Variants in SCAF11 observed in about 807,000 individuals in gnomAD.
SCAF11 encodes SR-related CTD associated factor 11.
SCAF11 carries 47 observed loss-of-function variants against 140.5 expected under a neutral mutation model. That is an observed-to-expected ratio of 0.33 (90% confidence interval 0.26 to 0.43). The LOEUF (loss-of-function observed/expected upper bound fraction) is 0.43. SCAF11 is among the 20% of genes least tolerant of loss of function. The pLI, the probability that SCAF11 is intolerant of heterozygous loss-of-function variation, is 1.00. For synonymous variants in SCAF11, 557 were observed against 579.4 expected (o/e 0.96, Z 0.55); for missense variants, 1,645 against 1,705.1 (o/e 0.96, Z 0.62).
intron 5 of SCAF11, among the ~76,000 whole-genome samples, chr12:45,945,533 A>G (rs1302441263): frequency 6.8e-6 from 1 of 146,102 alleles, no homozygotes; most frequent in Admixed American, 6.8e-5. Context: ...GTATTATCTC[A>G]GTCTTTTTTT....
intron 1 of SCAF11, among the ~76,000 whole-genome samples, chr12:45,983,584 G>A (rs1184797372): frequency 6.6e-6 from 1 of 152,048 alleles, no homozygotes; most frequent in Non-Finnish European, 1.5e-5. Flanking sequence ...TATGAACAGA[G>A]ACAGAGTTAG....
Position 45,951,709 on chromosome 12 carries a change from T to G in SCAF11, c.238A>C (p.Ile80Leu). The G allele has an allele frequency of 6.3e-7, 1 of 1,590,146 alleles. No individual in the cohort carries two copies. The highest frequency in any genetic ancestry group is 1.2e-5 in the South Asian group (1 of 86,636). ...ACTGCCTGAAAAGGTTTACGGTCAATAGGACATGAAGCCAGTGTCTGAAAA... is the reference window on the plus strand; with the variant it reads ...ACTGCCTGAAAAGGTTTACGGTCAAGAGGACATGAAGCCAGTGTCTGAAAA... The part of the protein sequence containing the change: ...KWAETLASCP[I>L]DRKPFQAVFK... Residue 80 changes from isoleucine (I) to leucine (L), a missense_variant, in exon 4 of 15, where the codon ATT becomes CTT. This residue lies in a region of SCAF11 where 1,582 missense variants were observed against 1,609.2 expected (regional missense o/e 0.98). Coordinates refer to ENST00000369367, the MANE Select transcript of SCAF11 (RefSeq NM_004719.3).
At chr12:45,979,611 A>T (rs553781488) in intron 1 of SCAF11, among the ~76,000 whole-genome samples, 23 of 152,290 alleles carry the variant, frequency 1.5e-4, no homozygotes, top group Admixed American at 4.6e-4. Context: ...GTTATTATAA[A>T]ACCAAGACAG....
chr12:45,965,184 A>AT (rs986843060), intron 1 of SCAF11, among the ~76,000 whole-genome samples: 31 of 152,312 alleles, frequency 2.0e-4, no homozygotes, highest in African/African-American at 6.7e-4. Flanking sequence ...ATATAAGTGA[A>AT]TTTTTTTAAA....
At chr12:45,922,352 G>A in intron 14 of SCAF11, 111 bp downstream of exon 14, 2 of 1,483,388 alleles carry the variant, frequency 1.3e-6, no homozygotes, top group Middle Eastern at 2.4e-4. Context: ...AAAGTAGACA[G>A]GAATTAGTAG....
rs565120786 is a variant in SCAF11, at chr12:45,937,859, C to T, written c.464-3354G>A. Among the ~76,000 whole-genome samples the T allele has an allele frequency of 6.6e-5, 10 of 152,270 alleles. No individual in the cohort carries two copies. In the East Asian group the frequency reaches 1.9e-3, roughly 29 times the overall value. ...AATACTCATTTTAGAGTGTAAATCT[C>T]CAGTCTTTCATTGGGTACTCCCCTT... On this transcript the variant is annotated intron_variant, in intron 6 of 14. Transcript: ENST00000369367.
chr12:45,961,094 A>G (rs913006201), intron 3 of SCAF11: 6 of 493,268 alleles, frequency 1.2e-5, no homozygotes, highest in Admixed American at 3.4e-5. Context: ...TATGACGGTA[A>G]TATCTCTAAT....
At chr12:45,991,327 G>A, upstream of SCAF11, among the ~76,000 whole-genome samples, 1 of 152,216 alleles carries the variant, frequency 6.6e-6, no homozygotes, top group East Asian at 1.9e-4. Context: ...CGCTTTGGGA[G>A]GCCGAGGCTG....
intron 1 of SCAF11, among the ~76,000 whole-genome samples, chr12:45,978,847 A>C (rs1175534358): frequency 6.6e-6 from 1 of 152,174 alleles, no homozygotes; most frequent in African/African-American, 2.4e-5. Context: ...AATAATAAAG[A>C]AAGCTCTCTT....
chr12:45,987,849 G>A (rs1946494940), intron 1 of SCAF11, among the ~76,000 whole-genome samples: 1 of 152,162 alleles, frequency 6.6e-6, no homozygotes, highest in South Asian at 2.1e-4. Flanking sequence ...GATCAGCAAA[G>A]GTCACAGTGA....
rs750855906 is a variant in SCAF11, at chr12:45,926,471, T to G, written c.3230A>C (p.Asn1077Thr). Residue 1077 changes from asparagine to threonine, a missense_variant, in exon 11 of 15, where the codon AAC (asparagine) becomes ACC (threonine). Transcript: ENST00000369367. ...WVSNRGRGRGNRGRGTYRSSF... is the reference protein window; with the variant it reads ...WVSNRGRGRGTRGRGTYRSSF... ...ACTTCTGTAAGTGCCTCTGCCACGGTTGCCTCTGCCTCTACCACGGTTAGA... is the reference window on the plus strand; with the variant it reads ...ACTTCTGTAAGTGCCTCTGCCACGGGTGCCTCTGCCTCTACCACGGTTAGA... 2 of 1,614,224 alleles carry G rather than the reference T, an allele frequency of 1.2e-6. No homozygotes were observed. Among genetic ancestry groups the G allele is most frequent in the Non-Finnish European group, 1.7e-6 (2 of 1,180,030 alleles).
At chr12:45,974,701 T>G (rs1946192833) in intron 1 of SCAF11, 1 of 159,392 alleles carries the variant, frequency 6.3e-6, no homozygotes, top group African/African-American at 2.4e-5. Flanking sequence ...TAATAGTTAC[T>G]TCCTCCACAC....
chr12:45,970,983 C>T (rs1160774298), intron 1 of SCAF11, among the ~76,000 whole-genome samples: 1 of 152,076 alleles, frequency 6.6e-6, no homozygotes, highest in African/African-American at 2.4e-5. Flanking sequence ...AAATCATTTT[C>T]TAAAGAGTAA....
chr12:45,970,670 C>G (rs1946052110), intron 1 of SCAF11, among the ~76,000 whole-genome samples: 1 of 152,212 alleles, frequency 6.6e-6, no homozygotes. Flanking sequence ...AGGAATCTTT[C>G]ATATTCACTT....
rs760737715 is a variant in SCAF11 at position 45,928,274 on chromosome 12, T to C, written c.1427A>G (p.Glu476Gly). The C allele has an allele frequency of 7.4e-6, 12 of 1,613,986 alleles. No individual in the cohort carries two copies. Among genetic ancestry groups the C allele is most frequent in the Non-Finnish European group, 1.0e-5 (12 of 1,179,980 alleles). The change falls in exon 11 of 15, where the codon GAG becomes GGG. Residue 476 changes from glutamate to glycine, a missense_variant. Glu to Gly is a moderately conservative substitution (Grantham distance 98). Around this residue, in one of 2 missense-constraint regions of SCAF11, gnomAD observed 1,582 missense variants for 1,609.2 expected, o/e 0.98. Coordinates refer to ENST00000369367, the MANE Select transcript of SCAF11 (RefSeq NM_004719.3). ...CACAGGAAGATCTTGAGCACAAGAC[T>C]CAGAAGATGAAGATCCTACTCTTTC... ...TEERVGSSSS[E>G]SCAQDLPVLV...
At chr12:45,983,355 T>C (rs990218094) in intron 1 of SCAF11, among the ~76,000 whole-genome samples, 6 of 152,098 alleles carry the variant, frequency 3.9e-5, no homozygotes, top group African/African-American at 1.4e-4. Flanking sequence ...AATAGACACA[T>C]AGATATCAAC....
intron 6 of SCAF11, among the ~76,000 whole-genome samples, chr12:45,944,159 T>C (rs1217376631): frequency 6.6e-6 from 1 of 152,200 alleles, no homozygotes; most frequent in East Asian, 1.9e-4. Context: ...CAGTAAATTT[T>C]ATATTGGTTC....
Position 45,926,239 on chromosome 12 carries a change from CAA to C in SCAF11, c.3460_3461del (p.Leu1154AlafsTer35). On this transcript the variant is annotated frameshift_variant, in exon 11 of 15. Transcript: ENST00000369367. LOFTEE classifies it high-confidence loss of function. ...AGTAGTAGTTTTGTACATCTGCTGGCAAAGTCTTTCTCACGGCCCAGCTGGAT... is the reference window on the plus strand; with the variant it reads ...AGTAGTAGTTTTGTACATCTGCTGGCAGTCTTTCTCACGGCCCAGCTGGAT... ...SASSWAVRKT[L>X]PADVQNYYSR... 6.2e-7 allele frequency: 1 copy of C among 1,614,170 alleles called. No homozygotes were observed. The highest frequency in any genetic ancestry group is 8.5e-7 in the Non-Finnish European group (1 of 1,180,024).
chr12:45,990,548 T>C lies in SCAF11; in HGVS notation c.-217A>G, dbSNP rs1030928109. 35 of 1,231,586 alleles carry C rather than the reference T, an allele frequency of 2.8e-5. No homozygotes were observed. The highest frequency in any genetic ancestry group is 4.7e-5 in the African/African-American group (3 of 64,370). 76.3% of individuals were successfully genotyped at this position (1,231,586 alleles called of 1,614,324 possible). On this transcript the variant is annotated 5_prime_UTR_variant, in exon 1 of 15. Coordinates refer to ENST00000369367, the MANE Select transcript of SCAF11 (RefSeq NM_004719.3). ...CAGGGAGCGACCCAGGTTGCGCTGC[T>C]CCGCGCGGCTTAAGCCACCGCTACT...
Sources: allele counts gnomAD v4.1 joint callset (sites outside exome capture counted in the v4.1 genomes callset), GRCh38; gene constraint gnomAD v4.1.1; regional missense constraint gnomAD v4.1.1; transcripts MANE v1.5; gene names NCBI Gene and HGNC (gene_info 2026-07-23, HGNC 2026-07-21).